The following C1orf159 variants were observed in gnomAD, a reference collection of about 807,000 sequenced individuals.
The protein encoded by C1orf159 is chromosome 1 open reading frame 159, also known as uncharacterized protein C1orf159.
C1orf159 carries 19 observed loss-of-function variants against 25.6 expected under a neutral mutation model. That is an observed-to-expected ratio of 0.74 (90% CI 0.52 to 1.09). The LOEUF (loss-of-function observed/expected upper bound fraction) is 1.09, where lower values mean the gene tolerates loss of function less well. C1orf159 is among the 50% of genes least tolerant of loss of function. The pLI is 0.00. For missense variants in C1orf159, 274 were observed against 290.6 expected (o/e 0.94, Z 0.42); for synonymous variants, 139 against 124.7 (o/e 1.12, Z -0.77).
At position 1,087,329 on chromosome 1, in the gene C1orf159, C is replaced by G; in HGVS notation, c.245-125G>C. The G allele has an allele frequency of 8.4e-7, 1 of 1,193,488 alleles. No homozygotes were observed. The highest frequency in any genetic ancestry group is 1.6e-5 in the South Asian group (1 of 64,458). 73.9% of individuals were successfully genotyped at this position (1,193,488 alleles called of 1,614,324 possible). On this transcript the variant is annotated intron_variant, in intron 5 of 9. Transcript: ENST00000421241. This position sits in a 1 kb window ranked among gnomAD's most constrained non-coding sequence, Gnocchi z 8.3. The stretch of plus-strand genomic sequence containing the variant: ...GGGGCTGAGGGGGCGGAGCAGCCCT[C>G]ACCACAGAGCTGTCCCGAATGGCCC...
chr1:1,087,106 C>T lies in C1orf159; in HGVS notation c.310+33G>A, dbSNP rs752363906. On this transcript the variant is annotated intron_variant, in intron 6 of 9. Coordinates refer to ENST00000421241, the MANE Select transcript of C1orf159 (RefSeq NM_017891.5). This position sits in a 1 kb window ranked among gnomAD's most constrained non-coding sequence, Gnocchi z 8.3. Reference sequence around the variant, plus strand: ...CGACGGCCCCCAGCCCCCAGGACACCGGCAGAGGTGGCTGTGGCCTGCTGA... The same window carrying T: ...CGACGGCCCCCAGCCCCCAGGACACTGGCAGAGGTGGCTGTGGCCTGCTGA... 15 of 1,593,342 alleles carry T rather than the reference C, an allele frequency of 9.4e-6. No homozygotes were observed. The highest frequency in any genetic ancestry group is 1.3e-5 in the African/African-American group (1 of 74,656).
At chr1:1,106,460 C>G (rs1646172019) in intron 1 of C1orf159, among the ~76,000 whole-genome samples, 1 of 152,184 alleles carries the variant, frequency 6.6e-6, no homozygotes, top group Admixed American at 6.6e-5. Context: ...TCTCAAAAAA[C>G]TAAACACACA....
intron 1 of C1orf159, among the ~76,000 whole-genome samples, chr1:1,112,572 C>T (rs570119916): frequency 2.6e-5 from 4 of 152,172 alleles, no homozygotes; most frequent in African/African-American, 4.8e-5. Flanking sequence ...GAACACACAG[C>T]GCATGCTCCC....
chr1:1,084,515 G>C lies in C1orf159; in HGVS notation c.446-9C>G, dbSNP rs369017734. The C allele has an allele frequency of 1.6e-4, 242 of 1,551,910 alleles. 1 individual carries two copies. The highest frequency in any genetic ancestry group is 2.0e-4 in the Non-Finnish European group (228 of 1,148,040). ...AGGCTGCAGGGCCGGAGCTGTGGGG[G>C]AGAAAGCGGAGAGTCACCCTGGAGC... is the stretch of plus-strand genomic sequence containing the variant. On this transcript the variant is annotated splice_polypyrimidine_tract_variant and intron_variant, in intron 7 of 9. Transcript: ENST00000421241.
chr1:1,113,905 C>T (rs995202784), intron 1 of C1orf159, among the ~76,000 whole-genome samples: 13 of 150,394 alleles, frequency 8.6e-5, no homozygotes, highest in Non-Finnish European at 1.5e-4. Flanking sequence ...CGCACGCTCC[C>T]TCGAGGCCTT....
At chr1:1,099,961 G>GAACA (rs1646077510) in intron 1 of C1orf159, among the ~76,000 whole-genome samples, 1 of 152,220 alleles carries the variant, frequency 6.6e-6, no homozygotes, top group Non-Finnish European at 1.5e-5. Context: ...TATTTAAAGT[G>GAACA]CATCTTTTAG....
chr1:1,091,202 G>C, intron 3 of C1orf159: 1 of 615,508 alleles, frequency 1.6e-6, no homozygotes, highest in Middle Eastern at 4.2e-4. Context: ...CGCTGGCAGA[G>C]GTGCTCCCAT....
At position 1,082,772 on chromosome 1, in the gene C1orf159, G is replaced by C. The variant is rs956281587; in HGVS notation, c.*121C>G. The C allele has an allele frequency of 2.2e-6, 2 of 922,418 alleles. No homozygotes were observed. Among genetic ancestry groups the C allele is most frequent in the Non-Finnish European group, 3.4e-6 (2 of 587,478 alleles). The allele number at this position is 922,418 out of a possible 1,614,324, so 57.1% of individuals were successfully genotyped here. A position where few individuals can be genotyped will look rare whatever the true frequency, so the allele number is the denominator to read the frequency against. On this transcript the variant is annotated 3_prime_UTR_variant, in exon 10 of 10. Coordinates refer to ENST00000421241, the MANE Select transcript of C1orf159 (RefSeq NM_017891.5). ...CTGGGAGGCGGAGGGACTCAGAGCC[G>C]AGGCTGTGCCCAGGACTGTCCCGGG...
At chr1:1,083,884 CTG>C (rs775628116) in intron 9 of C1orf159, 1 of 1,538,010 alleles carries the variant, frequency 6.5e-7, no homozygotes, top group South Asian at 1.2e-5. Flanking sequence ...CAGCCTGTGT[CTG>C]TGGCCCCGCA....
chr1:1,094,576 A>G (rs982612678), intron 1 of C1orf159, among the ~76,000 whole-genome samples: 14 of 151,656 alleles, frequency 9.2e-5, no homozygotes, highest in African/African-American at 3.4e-4. Flanking sequence ...AATTTTTTGT[A>G]TTTTTAGTAG....
chr1:1,090,563 G>A (rs912807294), intron 3 of C1orf159, 135 bp from the exon 4 acceptor site: 13 of 955,666 alleles, frequency 1.4e-5, no homozygotes, highest in East Asian at 2.6e-5. Flanking sequence ...AGTCAGCATC[G>A]GGTGGCCCTC....
At chr1:1,084,825 G>A (rs972747364) in intron 7 of C1orf159, among the ~76,000 whole-genome samples, 1 of 152,122 alleles carries the variant, frequency 6.6e-6, no homozygotes, top group African/African-American at 2.4e-5. Context: ...CATGAGAAGC[G>A]TCTCCCCAGG....
chr1:1,108,259 T>C (rs1381522968), intron 1 of C1orf159, among the ~76,000 whole-genome samples: 2 of 133,234 alleles, frequency 1.5e-5, no homozygotes, highest in East Asian at 2.4e-4. Flanking sequence ...ACAGCCACCA[T>C]GTCTCAGCAG....
Position 1,089,953 on chromosome 1 carries a change from C to A in C1orf159, c.148+400G>T, listed in dbSNP as rs567467647. Reference sequence around the variant, plus strand: ...CTGTTGATTGGCATTCCACTCCACGCACCAGGGGCCAGCAGCACCTCTGCC... The same window carrying A: ...CTGTTGATTGGCATTCCACTCCACGAACCAGGGGCCAGCAGCACCTCTGCC... On this transcript the variant is annotated intron_variant, in intron 4 of 9. Coordinates refer to ENST00000421241, the MANE Select transcript of C1orf159 (RefSeq NM_017891.5). This position sits in a 1 kb window ranked among gnomAD's most constrained non-coding sequence, Gnocchi z 7.5. Among the ~76,000 whole-genome samples the A allele has an allele frequency of 8.5e-5, 13 of 152,350 alleles. No homozygotes were observed. The East Asian group carries it at 2.5e-3, about 29-fold the overall frequency.
intron 9 of C1orf159, 45 bp downstream of exon 9, chr1:1,084,308 C>A: frequency 6.6e-7 from 1 of 1,525,808 alleles, no homozygotes; most frequent in Non-Finnish European, 8.8e-7. Flanking sequence ...TGGGACTGGC[C>A]CAGAGATGGG....
In C1orf159 at chr1:1,087,405, G is replaced by A; in HGVS notation, c.244+97C>T. The A allele has an allele frequency of 3.9e-6, 5 of 1,273,632 alleles. No homozygotes were observed. The highest frequency in any genetic ancestry group is 5.4e-6 in the Non-Finnish European group (5 of 923,176). The allele number at this position is 1,273,632 out of a possible 1,614,324, so 78.9% of individuals were successfully genotyped here. ...CGGGGCTGTTCCCCAGTGGACAGTG[G>A]CTCTGGGGCAAGGTGGGGACACAGA... On this transcript the variant is annotated intron_variant, in intron 5 of 9. Transcript: ENST00000421241. The surrounding 1 kb of genome is among the most constrained non-coding windows in gnomAD (Gnocchi z 8.3).
chr1:1,091,934 G>A (rs201547682), intron 2 of C1orf159, 57 bp downstream of exon 2: 1 of 453,828 alleles, frequency 2.2e-6, no homozygotes, highest in Non-Finnish European at 4.4e-6. Context: ...GGGTGAAAGA[G>A]TGAAGGCTTG....
intron 1 of C1orf159, among the ~76,000 whole-genome samples, chr1:1,093,109 G>A (rs1360021905): frequency 6.6e-6 from 1 of 151,928 alleles, no homozygotes; most frequent in Non-Finnish European, 1.5e-5. Flanking sequence ...GATGGAACGT[G>A]TTGAAGTCAC....
At chr1:1,107,522 T>C (rs1646190509) in intron 1 of C1orf159, among the ~76,000 whole-genome samples, 1 of 152,202 alleles carries the variant, frequency 6.6e-6, no homozygotes, top group African/African-American at 2.4e-5. Context: ...AGTGGGGACT[T>C]GGAGAACTTT....
Sources: gnomAD v4.1 joint callset for allele counts (sites outside exome capture counted in the v4.1 genomes callset) on GRCh38, gnomAD v4.1.1 for gene constraint, Gnocchi (gnomAD v3.1) non-coding constraint, MANE v1.5 for transcripts, NCBI Gene and HGNC (gene_info 2026-07-23, HGNC 2026-07-21) for gene names.